The following GAREM1 variants were observed in gnomAD, a reference collection of about 807,000 sequenced individuals.
The protein encoded by GAREM1 is GRB2 associated regulator of MAPK1 subtype 1.
A neutral mutation model predicts 71.3 loss-of-function variants in GAREM1; 26 were observed. The ratio of observed to expected loss-of-function variants is 0.36; its 90% CI spans 0.27 to 0.51. The LOEUF is 0.51. GAREM1 is among the 20% of genes least tolerant of loss of function. The pLI is 0.95. For missense variants in GAREM1, 1,026 were observed against 1,103.1 expected, an observed-to-expected ratio of 0.93 and a Z score of 0.99; for synonymous variants, 440 against 433.2, an observed-to-expected ratio of 1.02 and a Z score of -0.20.
chr18:32,347,375 C>G (rs1434180317), intron 2 of GAREM1, among the ~76,000 whole-genome samples: 2 of 151,952 alleles, frequency 1.3e-5, no homozygotes, highest in Non-Finnish European at 2.9e-5. Context: ...CAAAAGAAAA[C>G]TAAGTGCACC....
intron 1 of GAREM1, among the ~76,000 whole-genome samples, chr18:32,427,156 C>A (rs901977722): frequency 2.0e-5 from 3 of 152,106 alleles, no homozygotes; most frequent in African/African-American, 7.2e-5. Flanking sequence ...TACATTTGCA[C>A]TGCAAATCAA....
chr18:32,285,595 T>G (rs2047006160), intron 4 of GAREM1, among the ~76,000 whole-genome samples: 1 of 152,170 alleles, frequency 6.6e-6, no homozygotes, highest in Admixed American at 6.5e-5. Context: ...CTAAACTCAT[T>G]TAAAATGTCA....
rs536487172 is a variant in GAREM1 at position 32,455,086 on chromosome 18, T to C, written c.121+15222A>G. ...ATCCAGGATCGAGGTTTTGTTATAA[T>C]CTTACACAAAGGTTATGTAGTAGAC... On this transcript the variant is annotated intron_variant, in intron 1 of 5. Coordinates refer to ENST00000269209, the MANE Select transcript of GAREM1 (RefSeq NM_001242409.2). Among the ~76,000 whole-genome samples the C allele has an allele frequency of 8.1e-4, 123 of 152,342 alleles. 1 individual carries two copies. The highest frequency in any genetic ancestry group is 3.4e-3 in the Middle Eastern group (1 of 294).
chr18:32,287,302 T>C lies in GAREM1; in HGVS notation c.1295A>G (p.Asp432Gly), dbSNP rs1324684979. 6.2e-7 allele frequency: 1 copy of C among 1,614,190 alleles called. No individual in the cohort carries two copies. ...TTCACTAGCTTCTGGGAAAAGGTAG[T>C]CGCTCCCACTATCTCCAGAGTCCTG... ...PYQDSGDSGS[D>G]YLFPEASEES... is the part of the protein sequence containing the mutation. The change falls in exon 4 of 6, where the codon GAC becomes GGC. Residue 432 changes from aspartate (D) to glycine (G), a missense_variant. Asp to Gly is a moderately conservative substitution (Grantham distance 94). This residue lies in a region of GAREM1 where 636 missense variants were observed against 631.2 expected (regional missense o/e 1.01). Transcript: ENST00000269209. The surrounding 1 kb of genome is among the most constrained non-coding windows in gnomAD (Gnocchi z 5.9).
chr18:32,269,307 C>T (rs183059574), intron 5 of GAREM1, among the ~76,000 whole-genome samples: 101 of 152,254 alleles, frequency 6.6e-4, no homozygotes, highest in African/African-American at 2.3e-3. Flanking sequence ...GTAACATTAG[C>T]GCAAAGATTT....
At chr18:32,442,734 T>G (rs2048750654) in intron 1 of GAREM1, among the ~76,000 whole-genome samples, 3 of 152,184 alleles carry the variant, frequency 2.0e-5, no homozygotes, top group African/African-American at 4.8e-5. Flanking sequence ...CTTTGTTCAT[T>G]GTGCAGATAA....
intron 1 of GAREM1, among the ~76,000 whole-genome samples, chr18:32,433,759 GC>G (rs2048647383): frequency 6.6e-6 from 1 of 152,092 alleles, no homozygotes; most frequent in Admixed American, 6.6e-5. Flanking sequence ...GAATCTGTAT[GC>G]TGAAAATGAC....
chr18:32,426,722 C>T (rs1386524812), intron 1 of GAREM1, among the ~76,000 whole-genome samples: 1 of 152,160 alleles, frequency 6.6e-6, no homozygotes, highest in Admixed American at 6.5e-5. Context: ...TTGTAACCTT[C>T]AGGAAGGTTA....
chr18:32,379,821 A>G (rs188696736), intron 2 of GAREM1, among the ~76,000 whole-genome samples: 129 of 152,286 alleles, frequency 8.5e-4, no homozygotes, highest in African/African-American at 3.0e-3. Context: ...GACCTCACAC[A>G]GATACATGTG....
intron 2 of GAREM1, among the ~76,000 whole-genome samples, chr18:32,367,403 G>A (rs1482281452): frequency 1.3e-5 from 2 of 152,154 alleles, no homozygotes; most frequent in Non-Finnish European, 2.9e-5. Flanking sequence ...ATTATATACT[G>A]AGTCTAAGAC....
At chr18:32,444,493 A>G (rs1029098004) in intron 1 of GAREM1, among the ~76,000 whole-genome samples, 29 of 152,084 alleles carry the variant, frequency 1.9e-4, no homozygotes, top group African/African-American at 5.3e-4. Context: ...TGATTCTATG[A>G]TCATGCCAGA....
intron 2 of GAREM1, among the ~76,000 whole-genome samples, chr18:32,372,089 C>T (rs2047985460): frequency 6.6e-6 from 1 of 152,098 alleles, no homozygotes. Context: ...GATCGGATTG[C>T]TTTGCTTTTT....
chr18:32,361,907 T>C (rs1240669042), intron 2 of GAREM1, among the ~76,000 whole-genome samples: 1 of 152,212 alleles, frequency 6.6e-6, no homozygotes. Context: ...ATGAATACAG[T>C]ACATATCTTT....
intron 2 of GAREM1, among the ~76,000 whole-genome samples, chr18:32,365,353 G>A (rs1036929035): frequency 2.6e-5 from 4 of 152,024 alleles, no homozygotes; most frequent in Admixed American, 6.6e-5. Context: ...TCTTCATATC[G>A]TGAAATATTA....
At chr18:32,407,388 G>A (rs758755895) in intron 1 of GAREM1, among the ~76,000 whole-genome samples, 2 of 152,116 alleles carry the variant, frequency 1.3e-5, no homozygotes, top group African/African-American at 4.8e-5. Context: ...AGCCAAGATC[G>A]CACCATTGCA....
At chr18:32,286,471 C>A (rs2047019157) in intron 4 of GAREM1, among the ~76,000 whole-genome samples, 1 of 152,050 alleles carries the variant, frequency 6.6e-6, no homozygotes, top group Non-Finnish European at 1.5e-5. Context: ...TCCCCTCCCA[C>A]CACCAAATAA....
At chr18:32,348,653 G>T (rs1292421337) in intron 2 of GAREM1, among the ~76,000 whole-genome samples, 1 of 152,132 alleles carries the variant, frequency 6.6e-6, no homozygotes, top group African/African-American at 2.4e-5. Flanking sequence ...GAACCTGGGA[G>T]GCAGACGTTT....
chr18:32,455,613 A>G (rs1418392571), intron 1 of GAREM1, among the ~76,000 whole-genome samples: 3 of 152,162 alleles, frequency 2.0e-5, no homozygotes, highest in African/African-American at 7.2e-5. Flanking sequence ...ATCCTTCTAG[A>G]AGGCATTTAA....
At chr18:32,310,372 G>A (rs770226380) in intron 2 of GAREM1, 49 bp from the exon 3 acceptor site, 27 of 1,588,924 alleles carry the variant, frequency 1.7e-5, no homozygotes, top group Middle Eastern at 3.3e-4. Flanking sequence ...ATGCTGGACT[G>A]CTGTTACCAT....
Sources: gnomAD v4.1 joint callset for allele counts (sites outside exome capture counted in the v4.1 genomes callset) on GRCh38, gnomAD v4.1.1 for gene constraint, gnomAD v4.1.1 regional missense constraint, Gnocchi (gnomAD v3.1) non-coding constraint, MANE v1.5 for transcripts, NCBI Gene and HGNC (gene_info 2026-07-23, HGNC 2026-07-21) for gene names.